The following PUDP variants were observed in gnomAD, a reference collection of about 807,000 sequenced individuals.
PUDP encodes pseudouridine-5'-phosphatase.
Under a neutral mutation model 9.4 loss-of-function variants are expected in PUDP, and 8 were observed. That is an observed-to-expected ratio of 0.85 (90% confidence interval 0.50 to 1.53). The LOEUF (loss-of-function observed/expected upper bound fraction) is 1.53. PUDP is among the 40% of genes most tolerant of loss of function. PUDP has a pLI of 0.00. For synonymous variants in PUDP, 99 were observed against 80.7 expected (o/e 1.23, Z -1.22); for missense variants, 188 against 189.7 (o/e 0.99, Z 0.05).
At chrX:7,112,375 C>T (rs767823087) in intron 1 of PUDP, among the ~76,000 whole-genome samples, 31 of 111,969 alleles carry the variant, frequency 2.8e-4, no homozygotes, top group Admixed American at 4.7e-4. Flanking sequence ...TTTTGGGTAA[C>T]GGATTATGAA....
chrX:6,992,434 G>A (rs754477704), intron 1 of PUDP, among the ~76,000 whole-genome samples: 4 of 104,834 alleles, frequency 3.8e-5, no homozygotes, highest in East Asian at 6.0e-4. Flanking sequence ...CACCGTGCCC[G>A]GCTAATTTTT....
chrX:7,114,560 A>T (rs760700396), intron 1 of PUDP, among the ~76,000 whole-genome samples: 61 of 111,866 alleles, frequency 5.5e-4, no homozygotes, highest in African/African-American at 2.0e-3. Flanking sequence ...TTAAGTTTCA[A>T]CATGAGTTTC....
At chrX:6,910,735 G>A (rs1383583371) in intron 3 of PUDP, among the ~76,000 whole-genome samples, 1 of 111,949 alleles carries the variant, frequency 8.9e-6, no homozygotes. Context: ...CGTTGCTTGG[G>A]GTGCACACCT....
intron 3 of PUDP, among the ~76,000 whole-genome samples, chrX:6,728,113 T>C (rs1448506777): frequency 1.8e-5 from 2 of 111,136 alleles, no homozygotes; most frequent in Non-Finnish European, 3.8e-5. Flanking sequence ...ATGTGTTACA[T>C]GGTGGCAGAC....
At chrX:7,130,131 C>G (rs1932582059) in intron 1 of PUDP, among the ~76,000 whole-genome samples, 1 of 111,463 alleles carries the variant, frequency 9.0e-6, no homozygotes, top group African/African-American at 3.3e-5. Context: ...CCCTCTACTT[C>G]TCCCTGACAT....
At chrX:6,876,793 A>G (rs1458580232) in intron 3 of PUDP, among the ~76,000 whole-genome samples, 1 of 111,573 alleles carries the variant, frequency 9.0e-6, no homozygotes, top group African/African-American at 3.3e-5. Context: ...ACATATATAC[A>G]TATAGACACA....
chrX:6,952,249 A>T (rs1928568553), intron 3 of PUDP, among the ~76,000 whole-genome samples: 1 of 111,872 alleles, frequency 8.9e-6, no homozygotes, highest in African/African-American at 3.2e-5. Context: ...TTTGGTAGTA[A>T]TTTTTTTAGA....
intron 1 of PUDP, among the ~76,000 whole-genome samples, chrX:7,000,137 AAAAG>A (rs1203653922): frequency 2.3e-4 from 13 of 56,943 alleles, no homozygotes; most frequent in Non-Finnish European, 4.0e-4. Context: ...GAGAGAGAGG[AAAAG>A]AGAGAGAGAG....
intron 3 of PUDP, among the ~76,000 whole-genome samples, chrX:6,760,602 C>T (rs780619443): frequency 5.3e-4 from 59 of 112,124 alleles, no homozygotes; most frequent in Non-Finnish European, 8.8e-4. Flanking sequence ...TCAGGAAAGA[C>T]ACCTTCTGCA....
chrX:6,987,313 G>A (rs12848017), intron 1 of PUDP, among the ~76,000 whole-genome samples: 1 of 112,026 alleles, frequency 8.9e-6, no homozygotes, highest in Non-Finnish European at 1.9e-5. Context: ...AAGAACATCA[G>A]GATAACCAAG....
chrX:6,945,715 A>T (rs1469192257), intron 3 of PUDP, among the ~76,000 whole-genome samples: 1 of 112,006 alleles, frequency 8.9e-6, no homozygotes, highest in Non-Finnish European at 1.9e-5. Flanking sequence ...AAATTGAAAA[A>T]AAAGAAACAC....
At chrX:6,731,957 C>T (rs1364046159) in intron 3 of PUDP, among the ~76,000 whole-genome samples, 4 of 112,009 alleles carry the variant, frequency 3.6e-5, no homozygotes, top group Non-Finnish European at 7.5e-5. Context: ...CCCATTTGTA[C>T]TCCATCATAT....
chrX:6,928,724 G>A (rs957006507), intron 3 of PUDP, among the ~76,000 whole-genome samples: 1 of 110,747 alleles, frequency 9.0e-6, no homozygotes, highest in Non-Finnish European at 1.9e-5. Context: ...GTGAGACCCG[G>A]TCTCTACCAA....
At chrX:7,082,669 T>C (rs1282409271) in intron 2 of PUDP, among the ~76,000 whole-genome samples, 1 of 112,398 alleles carries the variant, frequency 8.9e-6, no homozygotes, top group African/African-American at 3.2e-5. Flanking sequence ...GAGAAGACGC[T>C]GATGCTATCC....
chrX:6,710,478 C>T (rs1177335155), intron 1 of PUDP, among the ~76,000 whole-genome samples: 1 of 111,855 alleles, frequency 8.9e-6, no homozygotes, highest in Non-Finnish European at 1.9e-5. Context: ...TCATGGACTG[C>T]ATTGCTGTGA....
intron 3 of PUDP, among the ~76,000 whole-genome samples, chrX:6,916,714 C>T (rs1298564928): frequency 8.1e-5 from 9 of 111,473 alleles, no homozygotes; most frequent in Non-Finnish European, 1.9e-5. Flanking sequence ...TCTGGGGTGA[C>T]TAAACTAACC....
At chrX:6,794,836 G>C (rs184123619) in intron 3 of PUDP, among the ~76,000 whole-genome samples, 1 of 109,688 alleles carries the variant, frequency 9.1e-6, no homozygotes, top group East Asian at 2.9e-4. Flanking sequence ...TGGGATTACA[G>C]GTGTGAGCCA....
At chrX:7,038,612 A>G (rs1337817862) in intron 1 of PUDP, among the ~76,000 whole-genome samples, 1 of 111,784 alleles carries the variant, frequency 8.9e-6, no homozygotes, top group Non-Finnish European at 1.9e-5. Flanking sequence ...TCCCAGTAGT[A>G]TAGTGCAATG....
At chrX:6,741,828 CTCTTTCTT>C (rs1186498408) in intron 3 of PUDP, among the ~76,000 whole-genome samples, 6 of 69,339 alleles carry the variant, frequency 8.7e-5, no homozygotes, top group Non-Finnish European at 1.3e-4. Context: ...CTCTCTCTCT[CTCTTTCTT>C]TCTTTCTTTC....
Sources: allele counts gnomAD v4.1 joint callset (sites outside exome capture counted in the v4.1 genomes callset), GRCh38; gene constraint gnomAD v4.1.1; transcripts MANE v1.5; gene names NCBI Gene and HGNC (gene_info 2026-07-23, HGNC 2026-07-21).